Variants in MCHR2 observed in about 807,000 individuals in gnomAD.
The protein encoded by MCHR2 is melanin-concentrating hormone receptor 2.
Under a neutral mutation model 24.8 loss-of-function variants are expected in MCHR2, and 15 were observed. That is an observed-to-expected ratio of 0.60 (90% CI 0.40 to 0.93). MCHR2 has a LOEUF of 0.93. Among genes scored for constraint, MCHR2 ranks in the 40% least tolerant of loss-of-function variants. The pLI, the probability that MCHR2 is intolerant of heterozygous loss-of-function variation, is 0.00. For synonymous variants in MCHR2, 151 were observed against 147.6 expected, an observed-to-expected ratio of 1.02 and a Z score of -0.17; for missense variants, 386 against 408.7, an observed-to-expected ratio of 0.94 and a Z score of 0.48.
At chr6:99,924,130 T>C (rs538865575) in intron 5 of MCHR2, among the ~76,000 whole-genome samples, 1 of 152,250 alleles carries the variant, frequency 6.6e-6, no homozygotes, top group East Asian at 1.9e-4. Context: ...CCTGGTTCAA[T>C]CTTGGTAGGT....
intron 2 of MCHR2, among the ~76,000 whole-genome samples, 186 bp downstream of exon 2, chr6:99,955,780 A>G (rs1160973590): frequency 2.0e-5 from 3 of 152,110 alleles, no homozygotes; most frequent in Non-Finnish European, 4.4e-5. Context: ...GAGATTTGCA[A>G]CTGAGATGTT....
At chr6:99,938,707 G>A (rs1049485119) in intron 4 of MCHR2, among the ~76,000 whole-genome samples, 1 of 152,002 alleles carries the variant, frequency 6.6e-6, no homozygotes, top group East Asian at 1.9e-4. Context: ...GGCCTATTAG[G>A]TCTAGTGTGT....
chr6:99,973,174 C>T (rs1249616811), intron 1 of MCHR2, among the ~76,000 whole-genome samples: 1 of 151,480 alleles, frequency 6.6e-6, no homozygotes, highest in African/African-American at 2.4e-5. Context: ...GTTAAAGTCT[C>T]CCATTATTAT....
chr6:99,991,808 C>CAAAAAAAAA (rs3038469), intron 1 of MCHR2, among the ~76,000 whole-genome samples: 46 of 81,980 alleles, frequency 5.6e-4, no homozygotes, highest in Non-Finnish European at 6.2e-4. Flanking sequence ...GACTCCGTCT[C>CAAAAAAAAA]AAAAAAAAAA....
intron 1 of MCHR2, among the ~76,000 whole-genome samples, chr6:99,977,815 A>T (rs1195410083): frequency 6.6e-5 from 10 of 152,258 alleles, no homozygotes; most frequent in Admixed American, 5.9e-4. Context: ...AATCAAGAAG[A>T]CTCATCTACT....
intron 1 of MCHR2, among the ~76,000 whole-genome samples, chr6:99,972,620 C>T (rs1422296928): frequency 6.6e-6 from 1 of 152,018 alleles, no homozygotes; most frequent in Non-Finnish European, 1.5e-5. Context: ...AATGTGTTTG[C>T]TCTTGCTTTT....
chr6:99,954,924 T>C (rs1189178907), intron 2 of MCHR2, among the ~76,000 whole-genome samples: 1 of 152,194 alleles, frequency 6.6e-6, no homozygotes, highest in Non-Finnish European at 1.5e-5. Context: ...ATGAATTTTG[T>C]ATTTAGACTT....
chr6:99,950,859 A>C (rs1276803249), intron 2 of MCHR2, among the ~76,000 whole-genome samples: 15 of 152,150 alleles, frequency 9.9e-5, no homozygotes, highest in Admixed American at 9.8e-4. Flanking sequence ...TGAATTAGTA[A>C]AACTAACAAA....
At chr6:99,984,847 G>T (rs913808969) in intron 1 of MCHR2, among the ~76,000 whole-genome samples, 1 of 152,016 alleles carries the variant, frequency 6.6e-6, no homozygotes, top group African/African-American at 2.4e-5. Flanking sequence ...GCAAGAGAAA[G>T]AAATACAAGT....
intron 1 of MCHR2, among the ~76,000 whole-genome samples, chr6:99,960,299 G>T (rs1323631956): frequency 6.6e-6 from 1 of 152,042 alleles, no homozygotes; most frequent in Non-Finnish European, 1.5e-5. Flanking sequence ...TCTTCAAGGA[G>T]AACTACAAAC....
intron 5 of MCHR2, among the ~76,000 whole-genome samples, chr6:99,923,667 A>G (rs1308649829): frequency 6.6e-6 from 1 of 152,028 alleles, no homozygotes; most frequent in Non-Finnish European, 1.5e-5. Flanking sequence ...TTGAATTTAA[A>G]TGATCATATG....
chr6:99,975,884 A>C (rs1775539577), intron 1 of MCHR2, among the ~76,000 whole-genome samples: 1 of 152,182 alleles, frequency 6.6e-6, no homozygotes, highest in Non-Finnish European at 1.5e-5. Context: ...TTCAATCACA[A>C]ACATTCATAG....
In MCHR2 at chr6:99,920,550, C is replaced by A; in HGVS notation, c.*390G>T. On this transcript the variant is annotated 3_prime_UTR_variant, in exon 6 of 6. Transcript: ENST00000281806. ...TTAGACTTCACTCTAAGGTGATACC[C>A]TCCTAGGAACCTTGAGGAAACTGTT... is the stretch of plus-strand genomic sequence containing the variant. 1 of 188,524 alleles carries A rather than the reference C, an allele frequency of 5.3e-6. No individual in the cohort carries two copies. The highest frequency in any genetic ancestry group is 1.1e-5 in the Non-Finnish European group (1 of 89,526). The allele number at this position is 188,524 out of a possible 1,614,324, so 11.7% of individuals were successfully genotyped here.
At chr6:99,938,425 A>C (rs566172469) in intron 4 of MCHR2, among the ~76,000 whole-genome samples, 1 of 151,934 alleles carries the variant, frequency 6.6e-6, no homozygotes, top group African/African-American at 2.4e-5. Context: ...AAAATGTTTA[A>C]ATTTCTTTCT....
At chr6:99,957,974 AGAT>A (rs1052886293) in intron 1 of MCHR2, among the ~76,000 whole-genome samples, 17 of 152,214 alleles carry the variant, frequency 1.1e-4, no homozygotes, top group Admixed American at 7.2e-4. Context: ...ATTCTGTGAA[AGAT>A]GATAACATAC....
intron 1 of MCHR2, among the ~76,000 whole-genome samples, chr6:99,971,897 C>T (rs1429333985): frequency 2.0e-5 from 3 of 152,156 alleles, no homozygotes; most frequent in African/African-American, 7.2e-5. Flanking sequence ...AGCCTTGCAT[C>T]CCAGGGATGA....
intron 2 of MCHR2, among the ~76,000 whole-genome samples, chr6:99,949,558 T>G (rs1774929953): frequency 6.6e-6 from 1 of 152,170 alleles, no homozygotes; most frequent in Admixed American, 6.5e-5. Context: ...ATTTCTCAGC[T>G]GTCAGATTCT....
chr6:99,973,469 G>A (rs1457383171), intron 1 of MCHR2, among the ~76,000 whole-genome samples: 6 of 152,164 alleles, frequency 3.9e-5, no homozygotes, highest in Non-Finnish European at 7.3e-5. Context: ...CTGCATGTGA[G>A]ATGGGTTTCC....
At chr6:99,925,156 A>G (rs1774323625) in intron 5 of MCHR2, among the ~76,000 whole-genome samples, 1 of 151,810 alleles carries the variant, frequency 6.6e-6, no homozygotes, top group South Asian at 2.1e-4. Context: ...TTATATGGTG[A>G]TCTTCTTTGT....
Sources: allele counts gnomAD v4.1 joint callset (sites outside exome capture counted in the v4.1 genomes callset), GRCh38; gene constraint gnomAD v4.1.1; transcripts MANE v1.5; gene names NCBI Gene and HGNC (gene_info 2026-07-23, HGNC 2026-07-21).